DENND1A: variants seen among roughly 807,000 people sequenced by gnomAD.
DENND1A encodes the protein DENN domain-containing protein 1A.
DENND1A carries 51 observed loss-of-function variants against 113.7 expected under a neutral mutation model. The ratio of observed to expected loss-of-function variants is 0.45; its 90% CI spans 0.36 to 0.57. The LOEUF is 0.57. Ranked by LOEUF, DENND1A falls within the 20% of genes least tolerant of loss-of-function variation. The pLI is 0.00. For missense variants in DENND1A, 1,258 were observed against 1,395.9 expected (o/e 0.90, Z 1.57); for synonymous variants, 565 against 570.8 (o/e 0.99, Z 0.14).
chr9:123,563,119 T>C (rs1048897427), intron 12 of DENND1A, among the ~76,000 whole-genome samples: 1 of 152,132 alleles, frequency 6.6e-6, no homozygotes, highest in Non-Finnish European at 1.5e-5. Flanking sequence ...TCCTCTTCTG[T>C]AGAATGCCAT....
At chr9:123,867,640 G>C (rs1240947705) in intron 2 of DENND1A, among the ~76,000 whole-genome samples, 5 of 152,086 alleles carry the variant, frequency 3.3e-5, no homozygotes, top group Admixed American at 2.0e-4. Flanking sequence ...TCCAGTAATA[G>C]CACCAGATTT....
At chr9:123,449,083 A>G (rs563044410) in intron 18 of DENND1A, among the ~76,000 whole-genome samples, 11 of 152,334 alleles carry the variant, frequency 7.2e-5, no homozygotes, top group African/African-American at 2.4e-4. Flanking sequence ...CTGGGATCCA[A>G]TTCTGGCTCT....
At chr9:123,614,158 A>G (rs1345823954) in intron 10 of DENND1A, among the ~76,000 whole-genome samples, 2 of 152,244 alleles carry the variant, frequency 1.3e-5, no homozygotes, top group African/African-American at 4.8e-5. Context: ...GCTCAGAAAG[A>G]TAAAATTTGC....
intron 2 of DENND1A, among the ~76,000 whole-genome samples, chr9:123,819,528 A>C (rs1161105992): frequency 1.3e-5 from 2 of 152,072 alleles, no homozygotes; most frequent in Non-Finnish European, 2.9e-5. Flanking sequence ...AAAATATTTT[A>C]TTTTTTTATT....
intron 21 of DENND1A, among the ~76,000 whole-genome samples, chr9:123,397,648 G>A (rs115112927): frequency 0.025 from 3,754 of 152,274 alleles, 69 homozygotes; most frequent in African/African-American, 0.042. Context: ...GGAAGTTGCA[G>A]CTCTATAAAA....
At chr9:123,543,579 C>T (rs746826490) in intron 13 of DENND1A, among the ~76,000 whole-genome samples, 8 of 152,300 alleles carry the variant, frequency 5.3e-5, no homozygotes, top group South Asian at 2.1e-4. Flanking sequence ...TCCTCAGCCA[C>T]GCTCCTTCTG....
At chr9:123,902,210 C>CACAT (rs1851782284) in intron 1 of DENND1A, among the ~76,000 whole-genome samples, 1 of 150,916 alleles carries the variant, frequency 6.6e-6, no homozygotes, top group Non-Finnish European at 1.5e-5. Flanking sequence ...CACACACATA[C>CACAT]ACACACACGT....
intron 19 of DENND1A, among the ~76,000 whole-genome samples, chr9:123,435,197 G>C (rs1230549115): frequency 6.6e-6 from 1 of 152,198 alleles, no homozygotes. Context: ...GAAGGGAATT[G>C]CATGTGGCTT....
At chr9:123,807,972 G>T (rs2799467) in intron 2 of DENND1A, among the ~76,000 whole-genome samples, 39,383 of 152,038 alleles carry the variant, frequency 0.26, 9,402 homozygotes, top group African/African-American at 0.64. Context: ...ACACCTGCAA[G>T]CCCAGCACTT....
At chr9:123,850,323 CA>C (rs1843157405) in intron 2 of DENND1A, among the ~76,000 whole-genome samples, 1 of 152,212 alleles carries the variant, frequency 6.6e-6, no homozygotes, top group Admixed American at 6.5e-5. Flanking sequence ...AACATTTAGA[CA>C]AGATCGTTTG....
At chr9:123,434,487 A>T (rs1419086782) in intron 19 of DENND1A, among the ~76,000 whole-genome samples, 1 of 152,238 alleles carries the variant, frequency 6.6e-6, no homozygotes, top group African/African-American at 2.4e-5. Context: ...TTCAACAACA[A>T]TCAATTATTC....
chr9:123,586,676 C>A (rs1226055473), intron 11 of DENND1A, among the ~76,000 whole-genome samples: 1 of 152,174 alleles, frequency 6.6e-6, no homozygotes, highest in Non-Finnish European at 1.5e-5. Flanking sequence ...AGAATTGGAG[C>A]CCAGCTCGCT....
intron 13 of DENND1A, chr9:123,492,665 A>G (rs1301985651): frequency 6.6e-6 from 1 of 152,216 alleles, no homozygotes; most frequent in Non-Finnish European, 1.5e-5. Context: ...CATTTTAGTA[A>G]AAACGAAGCA....
At chr9:123,769,775 A>G (rs1829432676) in intron 3 of DENND1A, among the ~76,000 whole-genome samples, 1 of 152,196 alleles carries the variant, frequency 6.6e-6, no homozygotes, top group South Asian at 2.1e-4. Context: ...AAATTAATCA[A>G]GAATCACACA....
Position 123,418,568 on chromosome 9 carries a change from C to T in DENND1A, c.1489-6739G>A, listed in dbSNP as rs191675499. 4.6e-4 allele frequency among the ~76,000 whole-genome samples: 70 copies of T among 152,314 alleles called. 1 individual carries two copies. Among genetic ancestry groups the T allele is most frequent in the East Asian group, 3.9e-3 (20 of 5,188 alleles). ...GGGCTGCAGGGTGGAAAACGCTCGA[C>T]GGCCAGGTGGTGACTTGGGGGCAGA... On this transcript the variant is annotated intron_variant, in intron 19 of 23. Coordinates refer to ENST00000394215, the MANE Select transcript of DENND1A (RefSeq NM_001352964.2).
At chr9:123,711,527 A>ATG (rs1193916789) in intron 5 of DENND1A, among the ~76,000 whole-genome samples, 2 of 144,944 alleles carry the variant, frequency 1.4e-5, no homozygotes, top group Non-Finnish European at 3.0e-5. Flanking sequence ...ATATATATAT[A>ATG]TATATATATA....
chr9:123,731,617 T>G (rs2068177767), intron 5 of DENND1A, among the ~76,000 whole-genome samples: 1 of 152,050 alleles, frequency 6.6e-6, no homozygotes, highest in Non-Finnish European at 1.5e-5. Context: ...CTATAAAACT[T>G]TGAGAAGAAA....
intron 1 of DENND1A, among the ~76,000 whole-genome samples, chr9:123,923,372 T>C: frequency 6.6e-6 from 1 of 152,118 alleles, no homozygotes; most frequent in Non-Finnish European, 1.5e-5. Context: ...ATTCCACCAC[T>C]CCAAGTCTCT....
chr9:123,877,175 C>T (rs372278461), intron 2 of DENND1A, among the ~76,000 whole-genome samples: 1 of 152,162 alleles, frequency 6.6e-6, no homozygotes, highest in Non-Finnish European at 1.5e-5. Context: ...GCTCTTGTAA[C>T]CCCTAAACTT....
Sources: gnomAD v4.1 joint callset for allele counts (sites outside exome capture counted in the v4.1 genomes callset) on GRCh38, gnomAD v4.1.1 for gene constraint, MANE v1.5 for transcripts, NCBI Gene and HGNC (gene_info 2026-07-23, HGNC 2026-07-21) for gene names.